The following WASHC5 variants were observed in gnomAD, a reference collection of about 807,000 sequenced individuals.
The protein encoded by WASHC5 is WASH complex subunit 5, also known as WASH complex subunit strumpellin.
In WASHC5, 101 loss-of-function variants were observed where a neutral mutation model predicts 150.4. The observed-to-expected ratio is 0.67, with a 90% CI of 0.57 to 0.79. The LOEUF (loss-of-function observed/expected upper bound fraction) is 0.79. Among genes scored for constraint, WASHC5 ranks in the 30% least tolerant of loss-of-function variants. The pLI is 0.00. For synonymous variants in WASHC5, 467 were observed against 491.2 expected, an observed-to-expected ratio of 0.95 and a Z score of 0.65; for missense variants, 1,195 against 1,396.3, an observed-to-expected ratio of 0.86 and a Z score of 2.30.
Position 125,055,690 on chromosome 8 carries a change from G to A in WASHC5, c.2017-19C>T. On this transcript the variant is annotated intron_variant, in intron 16 of 28. Transcript: ENST00000318410. ...TGGCAACCTATAACAAAGAAAAAGA[G>A]GTATGAAAAATCACTGTCTAATAGT... The A allele has an allele frequency of 6.8e-7, 1 of 1,481,216 alleles. No individual in the cohort carries two copies. Among genetic ancestry groups the A allele is most frequent in the Non-Finnish European group, 9.4e-7 (1 of 1,059,428 alleles). The allele number at this position is 1,481,216 out of a possible 1,614,324, so 91.8% of individuals were successfully genotyped here. A position where few individuals can be genotyped will look rare whatever the true frequency, so the allele number is the denominator to read the frequency against.
Position 125,067,503 on chromosome 8 carries a change from A to T in WASHC5, c.1278+89T>A, listed in dbSNP as rs1003415074. The T allele has an allele frequency of 2.1e-5, 23 of 1,108,420 alleles. No homozygotes were observed. In the African/African-American group the frequency reaches 2.6e-4, roughly 13 times the overall value. The allele number at this position is 1,108,420 out of a possible 1,614,324, so 68.7% of individuals were successfully genotyped here. ...CAAATCTGTACCTTGAATCAGAGAC[A>T]GAGCAAGCAATCCTAGTCTTTTTTT... On this transcript the variant is annotated intron_variant, in intron 10 of 28. Coordinates refer to ENST00000318410, the MANE Select transcript of WASHC5 (RefSeq NM_014846.4).
At chr8:125,079,110 G>GTATATATATA (rs1451588894) in intron 5 of WASHC5, among the ~76,000 whole-genome samples, 180 bp from the exon 6 acceptor site, 6 of 48,770 alleles carry the variant, frequency 1.2e-4, no homozygotes, top group African/African-American at 3.7e-4. Context: ...ATATGTGTGT[G>GTATATATATA]TGTGTGTATA....
At chr8:125,082,042 C>T (rs900099026) in intron 4 of WASHC5, among the ~76,000 whole-genome samples, 3 of 152,170 alleles carry the variant, frequency 2.0e-5, no homozygotes, top group African/African-American at 7.2e-5. Context: ...TTGTGTATAC[C>T]TCTTCATCAT....
chr8:125,033,946 G>T (rs896146961), intron 26 of WASHC5, among the ~76,000 whole-genome samples: 1 of 152,042 alleles, frequency 6.6e-6, no homozygotes, highest in East Asian at 1.9e-4. Flanking sequence ...GCTCATTAAA[G>T]TTACCAGTAA....
chr8:125,080,823 C>T lies in WASHC5; in HGVS notation c.518+838G>A, dbSNP rs145943827. 1.7e-3 allele frequency among the ~76,000 whole-genome samples: 256 copies of T among 152,278 alleles called. 1 individual carries two copies. The highest frequency in any genetic ancestry group is 5.9e-3 in the African/African-American group (244 of 41,554). On this transcript the variant is annotated intron_variant, in intron 5 of 28. Coordinates refer to ENST00000318410, the MANE Select transcript of WASHC5 (RefSeq NM_014846.4). ...ACAACAAATGATTTGTGGATATGTG[C>T]TGTTGCTTGATTTGTTTTTGTTTCT...
Position 125,055,606 on chromosome 8 carries a change from C to T in WASHC5, c.2082G>A (p.Leu694=). Residue 694 remains leucine (L), a synonymous_variant, in exon 17 of 29, where the codon TTG becomes TTA. Transcript: ENST00000318410. ...AAACTGTTACCTTGATGATGCCAACCAAAGTCGTTTTCATCATTAAGATGC... is the reference window on the plus strand; with the variant it reads ...AAACTGTTACCTTGATGATGCCAACTAAAGTCGTTTTCATCATTAAGATGC... ...TEGILMMKTT[L]VGIIKVDPKQ... The T allele has an allele frequency of 1.2e-6, 2 of 1,610,654 alleles. No individual in the cohort carries two copies. The highest frequency in any genetic ancestry group is 1.7e-6 in the Non-Finnish European group (2 of 1,176,870).
chr8:125,045,597 C>T (rs562140135), intron 20 of WASHC5, among the ~76,000 whole-genome samples: 1 of 152,300 alleles, frequency 6.6e-6, no homozygotes, highest in East Asian at 1.9e-4. Context: ...ATGACATATC[C>T]TATTGTCCAA....
intron 17 of WASHC5, among the ~76,000 whole-genome samples, chr8:125,055,315 T>TG (rs1443291908): frequency 6.6e-6 from 1 of 151,870 alleles, no homozygotes; most frequent in Non-Finnish European, 1.5e-5. Flanking sequence ...ACCAACTACT[T>TG]GGGGGGCTGA....
chr8:125,039,902 T>C lies in WASHC5; in HGVS notation c.2851-4A>G, dbSNP rs1815836033. 1 of 1,602,334 alleles carries C rather than the reference T, an allele frequency of 6.2e-7. No individual in the cohort carries two copies. Among genetic ancestry groups the C allele is most frequent in the South Asian group, 1.1e-5 (1 of 90,690 alleles). On this transcript the variant is annotated splice_region_variant and splice_polypyrimidine_tract_variant and intron_variant, in intron 23 of 28. Transcript: ENST00000318410. ...TCAGAATCTGCATCTGCCCAACCTG[T>C]GCACAAGCAAGAGAAAGAACAGGTA...
chr8:125,051,239 A>C (rs990103278), intron 17 of WASHC5, among the ~76,000 whole-genome samples: 2 of 152,258 alleles, frequency 1.3e-5, no homozygotes, highest in African/African-American at 4.8e-5. Context: ...TTACTTTGCT[A>C]ATTATTTCTC....
At chr8:125,090,289 C>T (rs922523528) in intron 1 of WASHC5, among the ~76,000 whole-genome samples, 7 of 152,174 alleles carry the variant, frequency 4.6e-5, no homozygotes, top group Admixed American at 3.9e-4. Flanking sequence ...ATCTAAGAAC[C>T]ATCATTAAAA....
intron 6 of WASHC5, among the ~76,000 whole-genome samples, chr8:125,077,717 T>C (rs907752730): frequency 6.6e-6 from 1 of 152,196 alleles, no homozygotes; most frequent in Non-Finnish European, 1.5e-5. Context: ...CCAAGTCTTA[T>C]TCTTCTCAAC....
At chr8:125,041,250 G>A (rs1815875975) in intron 23 of WASHC5, among the ~76,000 whole-genome samples, 1 of 152,118 alleles carries the variant, frequency 6.6e-6, no homozygotes, top group Non-Finnish European at 1.5e-5. Flanking sequence ...ACTGGCAAAG[G>A]GGAGTGAGGG....
chr8:125,088,186 G>T lies in WASHC5; in HGVS notation c.-125+3429C>A, dbSNP rs551611921. Among the ~76,000 whole-genome samples, 23 of 152,160 alleles carry T rather than the reference G, an allele frequency of 1.5e-4. No individual in the cohort carries two copies. The South Asian group carries it at 4.8e-3, about 32-fold the overall frequency. On this transcript the variant is annotated intron_variant, in intron 1 of 28. Coordinates refer to ENST00000318410, the MANE Select transcript of WASHC5 (RefSeq NM_014846.4). Reference sequence around the variant, plus strand: ...GGGCCAGGTGTGGTGACTCACTCCTGTAATTCCAGCACTTTGAGAGGCTGA... The same window carrying T: ...GGGCCAGGTGTGGTGACTCACTCCTTTAATTCCAGCACTTTGAGAGGCTGA...
chr8:125,027,858 T>C (rs1815416767), intron 28 of WASHC5, among the ~76,000 whole-genome samples: 1 of 152,242 alleles, frequency 6.6e-6, no homozygotes, highest in Non-Finnish European at 1.5e-5. Context: ...TCATTTCTTA[T>C]TGTCTTGCAC....
chr8:125,083,043 C>A (rs571387139), intron 3 of WASHC5, 70 bp downstream of exon 3: 529 of 1,008,162 alleles, frequency 5.2e-4, no homozygotes, highest in Non-Finnish European at 7.5e-4. Flanking sequence ...GAGATTTACA[C>A]GTTGCTATGT....
intron 25 of WASHC5, among the ~76,000 whole-genome samples, chr8:125,038,357 T>A (rs1314704875): frequency 2.0e-5 from 3 of 152,186 alleles, no homozygotes; most frequent in African/African-American, 7.2e-5. Context: ...CAGGACAGAT[T>A]TTGCCATGCA....
chr8:125,068,656 T>C (rs1445983744), intron 9 of WASHC5, among the ~76,000 whole-genome samples: 1 of 152,178 alleles, frequency 6.6e-6, no homozygotes, highest in African/African-American at 2.4e-5. Context: ...AAGGAAGGGT[T>C]CCTCACACAA....
intron 9 of WASHC5, among the ~76,000 whole-genome samples, chr8:125,067,999 C>T (rs1324337157): frequency 2.0e-5 from 3 of 152,102 alleles, no homozygotes; most frequent in Non-Finnish European, 4.4e-5. Context: ...GAGCATTCTG[C>T]GGTTTGTTTA....
Sources: allele counts gnomAD v4.1 joint callset (sites outside exome capture counted in the v4.1 genomes callset), GRCh38; gene constraint gnomAD v4.1.1; transcripts MANE v1.5; gene names NCBI Gene and HGNC (gene_info 2026-07-23, HGNC 2026-07-21).